The following MALRD1 variants were observed in gnomAD, a reference collection of about 807,000 sequenced individuals.
MALRD1 encodes the protein MAM and LDL receptor class A domain containing 1.
MALRD1 carries 247 observed loss-of-function variants against 242.1 expected under a neutral mutation model. The observed-to-expected ratio is 1.02, with a 90% confidence interval of 0.92 to 1.13. The LOEUF is 1.13. Among genes scored for constraint, MALRD1 ranks in the 50% most tolerant of loss-of-function variants. MALRD1 has a pLI of 0.00. For missense variants in MALRD1, 2,989 were observed against 2,533.1 expected (o/e 1.18, Z -3.86); for synonymous variants, 995 against 866.6 (o/e 1.15, Z -2.60).
chr10:19,216,243 G>C (rs1282470391), intron 18 of MALRD1, among the ~76,000 whole-genome samples: 3 of 150,858 alleles, frequency 2.0e-5, no homozygotes, highest in Admixed American at 1.3e-4. Flanking sequence ...TCAGCCTCCT[G>C]AGTAGCTGGG....
At chr10:19,316,127 G>T (rs1842696214) in intron 21 of MALRD1, among the ~76,000 whole-genome samples, 1 of 150,718 alleles carries the variant, frequency 6.6e-6, no homozygotes, top group Admixed American at 6.7e-5. Flanking sequence ...ATTTACTAAG[G>T]AAACTCCTTA....
chr10:19,594,083 A>T (rs10764087), intron 33 of MALRD1, among the ~76,000 whole-genome samples: 77,508 of 151,944 alleles, frequency 0.51, 19,879 homozygotes, highest in Non-Finnish European at 0.53. Context: ...CCACTAAGAG[A>T]CAGTAAATAA....
At chr10:19,689,201 A>G (rs1842721751) in intron 36 of MALRD1, among the ~76,000 whole-genome samples, 2 of 152,186 alleles carry the variant, frequency 1.3e-5, no homozygotes, top group East Asian at 1.9e-4. Context: ...ATTGCAGGAA[A>G]CACACATACA....
At chr10:19,317,794 A>G (rs915707109) in intron 21 of MALRD1, among the ~76,000 whole-genome samples, 1 of 152,036 alleles carries the variant, frequency 6.6e-6, no homozygotes, top group Non-Finnish European at 1.5e-5. Context: ...TTAGAAACTG[A>G]TTATCCTGTA....
At chr10:19,062,911 C>T (rs1475996562) in intron 1 of MALRD1, among the ~76,000 whole-genome samples, 2 of 152,006 alleles carry the variant, frequency 1.3e-5, no homozygotes, top group South Asian at 4.2e-4. Context: ...TTTGGGAGGC[C>T]GAGGCTGGTG....
intron 26 of MALRD1, among the ~76,000 whole-genome samples, chr10:19,372,602 G>A (rs1462851751): frequency 6.6e-6 from 1 of 151,888 alleles, no homozygotes; most frequent in African/African-American, 2.4e-5. Flanking sequence ...CGAGTAGCTG[G>A]GATTACAGGT....
intron 28 of MALRD1, among the ~76,000 whole-genome samples, chr10:19,394,850 T>G (rs1846510335): frequency 6.6e-6 from 1 of 152,226 alleles, no homozygotes; most frequent in Admixed American, 6.5e-5. Context: ...AGAGTAGTAA[T>G]CAGACAGGTT....
At chr10:19,467,108 ACTTTGGGAGG>A (rs1034211322) in intron 29 of MALRD1, among the ~76,000 whole-genome samples, 24 of 152,042 alleles carry the variant, frequency 1.6e-4, no homozygotes, top group Non-Finnish European at 7.4e-5. Context: ...TAATCCCAGC[ACTTTGGGAGG>A]CTGAGGCAGG....
intron 24 of MALRD1, among the ~76,000 whole-genome samples, chr10:19,341,557 C>T (rs920143264): frequency 8.8e-5 from 12 of 136,788 alleles, no homozygotes; most frequent in African/African-American, 2.5e-4. Context: ...TACACACACA[C>T]GTATTTTATA....
At chr10:19,166,288 A>C (rs1834682851) in intron 13 of MALRD1, among the ~76,000 whole-genome samples, 1 of 152,148 alleles carries the variant, frequency 6.6e-6, no homozygotes, top group Admixed American at 6.5e-5. Flanking sequence ...CACCTTTGGG[A>C]ACTGGAGGAC....
intron 36 of MALRD1, among the ~76,000 whole-genome samples, chr10:19,685,816 C>T (rs1331576151): frequency 6.6e-6 from 1 of 152,126 alleles, no homozygotes; most frequent in African/African-American, 2.4e-5. Flanking sequence ...GAAATGTACC[C>T]TTTTGTGACA....
chr10:19,216,119 CTTTTTTT>C (rs753559077), intron 18 of MALRD1, among the ~76,000 whole-genome samples: 1 of 122,814 alleles, frequency 8.1e-6, no homozygotes, highest in African/African-American at 3.0e-5. Flanking sequence ...TTCTTTCTTT[CTTTTTTT>C]TTTTTTTTTG....
At chr10:19,359,822 T>C (rs1196035809) in intron 26 of MALRD1, among the ~76,000 whole-genome samples, 1 of 151,954 alleles carries the variant, frequency 6.6e-6, no homozygotes, top group Non-Finnish European at 1.5e-5. Flanking sequence ...ACCAAGTTTA[T>C]TTATATAAAC....
At chr10:19,149,905 C>T (rs1232301272) in intron 11 of MALRD1, among the ~76,000 whole-genome samples, 1 of 152,164 alleles carries the variant, frequency 6.6e-6, no homozygotes, top group Non-Finnish European at 1.5e-5. Flanking sequence ...TATGCCTGTT[C>T]CAGAATGTCT....
At chr10:19,551,427 C>T (rs577027041) in intron 32 of MALRD1, among the ~76,000 whole-genome samples, 17 of 152,058 alleles carry the variant, frequency 1.1e-4, no homozygotes, top group Admixed American at 3.3e-4. Flanking sequence ...TATATAGGAA[C>T]GCTACTGATT....
At chr10:19,291,633 C>G (rs16918471) in intron 21 of MALRD1, among the ~76,000 whole-genome samples, 26,816 of 151,936 alleles carry the variant, frequency 0.18, 2,462 homozygotes, top group African/African-American at 0.23. Flanking sequence ...TAGGGGCTTT[C>G]AAGGCAAGAA....
At chr10:19,431,562 T>G (rs537148649) in intron 28 of MALRD1, among the ~76,000 whole-genome samples, 181 of 152,314 alleles carry the variant, frequency 1.2e-3, no homozygotes, top group African/African-American at 4.2e-3. Flanking sequence ...AATTTCACGT[T>G]GAACATTTTG....
At chr10:19,351,408 AG>A (rs1450527477) in intron 25 of MALRD1, among the ~76,000 whole-genome samples, 1 of 152,122 alleles carries the variant, frequency 6.6e-6, no homozygotes, top group African/African-American at 2.4e-5. Context: ...CTCAAAGAAA[AG>A]CTCCGTGGGT....
At chr10:19,699,909 G>A (rs897999521) in intron 38 of MALRD1, among the ~76,000 whole-genome samples, 14 of 151,662 alleles carry the variant, frequency 9.2e-5, no homozygotes, top group Admixed American at 6.6e-4. Flanking sequence ...CCAACACTGG[G>A]GATTACAATT....
Sources: allele counts gnomAD v4.1 joint callset (sites outside exome capture counted in the v4.1 genomes callset), GRCh38; gene constraint gnomAD v4.1.1; transcripts MANE v1.5; gene names NCBI Gene and HGNC (gene_info 2026-07-23, HGNC 2026-07-21).